Variants in SAMD4A observed in about 807,000 individuals in gnomAD.
The protein encoded by SAMD4A is sterile alpha motif domain containing 4A.
A neutral mutation model predicts 81.3 loss-of-function variants in SAMD4A; 33 were observed. That is an observed-to-expected ratio of 0.41 (90% CI 0.31 to 0.54). The LOEUF (loss-of-function observed/expected upper bound fraction) is 0.54, where lower values mean the gene tolerates loss of function less well. Ranked by LOEUF, SAMD4A falls within the 20% of genes least tolerant of loss-of-function variation. The pLI, the probability that SAMD4A is intolerant of heterozygous loss-of-function variation, is 0.37. For synonymous variants in SAMD4A, 389 were observed against 382.1 expected (o/e 1.02, Z -0.21); for missense variants, 854 against 951.1 (o/e 0.90, Z 1.34).
At chr14:54,640,579 A>G (rs1371353383) in intron 2 of SAMD4A, among the ~76,000 whole-genome samples, 1 of 152,152 alleles carries the variant, frequency 6.6e-6, no homozygotes, top group Non-Finnish European at 1.5e-5. Context: ...TCTGGTTTTC[A>G]TTAGCAGTCT....
At chr14:54,640,768 A>G (rs2035155901) in intron 2 of SAMD4A, among the ~76,000 whole-genome samples, 1 of 152,110 alleles carries the variant, frequency 6.6e-6, no homozygotes, top group Non-Finnish European at 1.5e-5. Flanking sequence ...ATTGCTGATT[A>G]GTGTGCCTGG....
At chr14:54,739,016 ATTC>A (rs1329942691) in intron 4 of SAMD4A, among the ~76,000 whole-genome samples, 1 of 110,570 alleles carries the variant, frequency 9.0e-6, no homozygotes, top group Non-Finnish European at 1.9e-5. Flanking sequence ...TTGGACACTT[ATTC>A]TTCTTCCTTT....
At chr14:54,630,938 G>A (rs1245714243) in intron 2 of SAMD4A, among the ~76,000 whole-genome samples, 2 of 151,308 alleles carry the variant, frequency 1.3e-5, no homozygotes, top group South Asian at 2.1e-4. Flanking sequence ...GTGTGTGTGT[G>A]TGTGTGTGTG....
At chr14:54,662,846 G>A (rs1026845977) in intron 2 of SAMD4A, among the ~76,000 whole-genome samples, 17 of 152,238 alleles carry the variant, frequency 1.1e-4, no homozygotes, top group East Asian at 1.9e-4. Flanking sequence ...ACCCCACGTT[G>A]ACCCCCAGAG....
intron 9 of SAMD4A, among the ~76,000 whole-genome samples, chr14:54,772,444 A>G (rs967790477): frequency 1.3e-5 from 2 of 152,180 alleles, no homozygotes; most frequent in African/African-American, 4.8e-5. Flanking sequence ...TCCCATCAGG[A>G]GAGAGAAAGA....
At chr14:54,604,484 T>A (rs2034145562) in intron 2 of SAMD4A, among the ~76,000 whole-genome samples, 1 of 152,184 alleles carries the variant, frequency 6.6e-6, no homozygotes, top group African/African-American at 2.4e-5. Flanking sequence ...CAAAATGAAC[T>A]TCCTGTGCTA....
At chr14:54,727,713 A>G (rs1321178215) in intron 3 of SAMD4A, among the ~76,000 whole-genome samples, 2 of 152,210 alleles carry the variant, frequency 1.3e-5, no homozygotes, top group African/African-American at 4.8e-5. Context: ...GGCCACGAGT[A>G]TTGACTCAGG....
intron 2 of SAMD4A, among the ~76,000 whole-genome samples, chr14:54,599,187 T>C (rs2033989473): frequency 6.6e-6 from 1 of 152,244 alleles, no homozygotes; most frequent in Non-Finnish European, 1.5e-5. Context: ...ATTTAAATTT[T>C]TGATAGACAT....
At chr14:54,735,539 C>G (rs774157684) in intron 3 of SAMD4A, among the ~76,000 whole-genome samples, 5 of 152,146 alleles carry the variant, frequency 3.3e-5, no homozygotes, top group Non-Finnish European at 7.4e-5. Context: ...CCGATTGTCC[C>G]CACTTCACAT....
chr14:54,728,985 A>G (rs1159866510), intron 3 of SAMD4A, among the ~76,000 whole-genome samples: 1 of 152,202 alleles, frequency 6.6e-6, no homozygotes, highest in East Asian at 1.9e-4. Flanking sequence ...GGTTCAGCTC[A>G]AGACAGGAGT....
chr14:54,697,852 A>G (rs929798747), intron 2 of SAMD4A, among the ~76,000 whole-genome samples: 1 of 152,274 alleles, frequency 6.6e-6, no homozygotes, highest in African/African-American at 2.4e-5. Context: ...GTTCCCTCAT[A>G]TGGCTGGCAA....
chr14:54,645,853 C>A (rs1484432106), intron 2 of SAMD4A, among the ~76,000 whole-genome samples: 2 of 152,218 alleles, frequency 1.3e-5, no homozygotes, highest in Non-Finnish European at 2.9e-5. Flanking sequence ...AAGAGGGTTG[C>A]CTGTATCTTT....
At chr14:54,650,956 A>G (rs372755456) in intron 2 of SAMD4A, among the ~76,000 whole-genome samples, 2 of 152,334 alleles carry the variant, frequency 1.3e-5, no homozygotes, top group East Asian at 3.9e-4. Context: ...TTAAAAATAT[A>G]TATCAACTGA....
At chr14:54,707,704 G>A (rs1029230153) in intron 3 of SAMD4A, among the ~76,000 whole-genome samples, 3 of 152,124 alleles carry the variant, frequency 2.0e-5, no homozygotes, top group African/African-American at 7.2e-5. Context: ...AGAAAGTGGG[G>A]TGTGAGCAGA....
At chr14:54,753,262 C>T (rs1332418182) in intron 6 of SAMD4A, among the ~76,000 whole-genome samples, 3 of 152,284 alleles carry the variant, frequency 2.0e-5, no homozygotes, top group Non-Finnish European at 2.9e-5. Flanking sequence ...TTGGACAATA[C>T]CCCGCTTTCA....
chr14:54,605,224 G>A (rs1364660461), intron 2 of SAMD4A, among the ~76,000 whole-genome samples: 5 of 152,018 alleles, frequency 3.3e-5, no homozygotes, highest in Admixed American at 3.3e-4. Context: ...GGTACAGAAG[G>A]CAAGCTCCCT....
chr14:54,776,259 C>T (rs1450109493), intron 10 of SAMD4A, among the ~76,000 whole-genome samples, 155 bp from the exon 11 acceptor site: 1 of 152,198 alleles, frequency 6.6e-6, no homozygotes, highest in Non-Finnish European at 1.5e-5. Flanking sequence ...AACCCTCTCT[C>T]TATAAATAAG....
At chr14:54,638,465 T>C (rs1360166946) in intron 2 of SAMD4A, among the ~76,000 whole-genome samples, 1 of 152,184 alleles carries the variant, frequency 6.6e-6, no homozygotes, top group African/African-American at 2.4e-5. Flanking sequence ...AGTAAACTTT[T>C]AGCATTATGG....
chr14:54,681,844 C>T (rs543582721), intron 2 of SAMD4A: 36 of 985,250 alleles, frequency 3.7e-5, no homozygotes, highest in Non-Finnish European at 4.3e-5. Context: ...AATTGGAACT[C>T]TCCCAAAAGA....
Sources: allele counts gnomAD v4.1 joint callset (sites outside exome capture counted in the v4.1 genomes callset), GRCh38; gene constraint gnomAD v4.1.1; transcripts MANE v1.5; gene names NCBI Gene and HGNC (gene_info 2026-07-23, HGNC 2026-07-21).